The following ANK2 variants were observed in gnomAD, a reference collection of about 807,000 sequenced individuals.
The protein encoded by ANK2 is ankyrin-2.
ANK2 carries 83 observed loss-of-function variants against 360.5 expected under a neutral mutation model. That is an observed-to-expected ratio of 0.23 (90% CI 0.19 to 0.28). The LOEUF (loss-of-function observed/expected upper bound fraction) is 0.28, where lower values mean the gene tolerates loss of function less well. ANK2 is among the 10% of genes least tolerant of loss of function. The pLI, the probability that ANK2 is intolerant of heterozygous loss-of-function variation, is 1.00. For missense variants in ANK2, 4,201 were observed against 4,795.7 expected (o/e 0.88, Z 3.66); for synonymous variants, 1,740 against 1,759.5 (o/e 0.99, Z 0.28).
the ANK2 span, among the ~76,000 whole-genome samples, chr4:112,713,639 G>C: frequency 2.6e-5 from 4 of 152,210 alleles, no homozygotes; most frequent in East Asian, 7.7e-4. Context: ...TGTGCACCTA[G>C]GAATATAAAT....
chr4:113,041,714 T>G (rs1021944643), intron 2 of ANK2, among the ~76,000 whole-genome samples: 2 of 152,122 alleles, frequency 1.3e-5, no homozygotes, highest in African/African-American at 4.8e-5. Flanking sequence ...CAGAATACTA[T>G]AGACTGGGTG....
At chr4:113,278,170 A>G (rs1004870259) in intron 16 of ANK2, among the ~76,000 whole-genome samples, 14 of 152,198 alleles carry the variant, frequency 9.2e-5, no homozygotes, top group Non-Finnish European at 2.1e-4. Context: ...AAGTCTCTAT[A>G]TTAAGAAGAA....
intron 1 of ANK2, among the ~76,000 whole-genome samples, chr4:112,886,178 C>T (rs1364823859): frequency 6.6e-6 from 1 of 152,136 alleles, no homozygotes; most frequent in Non-Finnish European, 1.5e-5. Flanking sequence ...GTCAAGACTC[C>T]ATGAGGCCTA....
chr4:113,280,901 A>C (rs541325414), intron 17 of ANK2, among the ~76,000 whole-genome samples: 3 of 152,348 alleles, frequency 2.0e-5, no homozygotes, highest in African/African-American at 7.2e-5. Flanking sequence ...CATTGTAGCA[A>C]AAAGAAGTTG....
At chr4:113,132,077 G>T (rs1406051562) in intron 1 of ANK2, among the ~76,000 whole-genome samples, 3 of 152,084 alleles carry the variant, frequency 2.0e-5, no homozygotes, top group African/African-American at 7.2e-5. Context: ...AGAAAAAATA[G>T]AAAACTATTC....
intron 1 of ANK2, among the ~76,000 whole-genome samples, chr4:112,861,068 T>C (rs2067846687): frequency 1.3e-5 from 2 of 152,196 alleles, no homozygotes; most frequent in African/African-American, 4.8e-5. Context: ...AAGAATTGTC[T>C]CTACACTCTG....
At chr4:113,173,941 G>A (rs113477995) in intron 1 of ANK2, 1 of 190,514 alleles carries the variant, frequency 5.2e-6, no homozygotes, top group East Asian at 1.5e-4. Flanking sequence ...CCCATACTCA[G>A]TGTTCTCTCT....
At chr4:112,827,188 TCA>T in intron 1 of ANK2, 1 of 1,160,130 alleles carries the variant, frequency 8.6e-7, no homozygotes, top group Non-Finnish European at 1.3e-6. Flanking sequence ...TGATACCAGG[TCA>T]CACCTCAAAT....
intron 1 of ANK2, among the ~76,000 whole-genome samples, chr4:113,133,837 C>T (rs2096227079): frequency 6.6e-6 from 1 of 151,976 alleles, no homozygotes; most frequent in Non-Finnish European, 1.5e-5. Context: ...GAGGTAAGAC[C>T]CCAGATGACT....
intron 1 of ANK2, among the ~76,000 whole-genome samples, chr4:113,124,250 G>A (rs2095533747): frequency 2.0e-5 from 3 of 152,264 alleles, no homozygotes; most frequent in South Asian, 4.1e-4. Flanking sequence ...CAGCCTTGGA[G>A]GCCTCAAACC....
At chr4:112,999,837 T>C (rs115206660) in intron 2 of ANK2, among the ~76,000 whole-genome samples, 3,794 of 152,272 alleles carry the variant, frequency 0.025, 145 homozygotes, top group African/African-American at 0.084. Flanking sequence ...ATATATAGAA[T>C]GTCTTAGAGA....
the ANK2 span, among the ~76,000 whole-genome samples, chr4:112,741,515 G>A: frequency 2.6e-5 from 4 of 152,214 alleles, no homozygotes; most frequent in Non-Finnish European, 4.4e-5. Flanking sequence ...AGAGCAGTCC[G>A]TCTGTCATCA....
intron 1 of ANK2, among the ~76,000 whole-genome samples, chr4:112,897,390 T>C (rs2082077312): frequency 6.6e-6 from 1 of 152,166 alleles, no homozygotes; most frequent in Middle Eastern, 3.2e-3. Flanking sequence ...ATGGAAAACA[T>C]CATCTGTCTC....
At chr4:113,344,668 TATA>T (rs1200235778) in intron 34 of ANK2, among the ~76,000 whole-genome samples, 2 of 152,204 alleles carry the variant, frequency 1.3e-5, no homozygotes, top group East Asian at 3.9e-4. Context: ...CAAAATGCGG[TATA>T]CACATGCAAT....
In ANK2 at chr4:113,284,266, T is replaced by C. The variant is rs29366; in HGVS notation, c.2079+1394T>C. Among the ~76,000 whole-genome samples, 213 of 152,316 alleles carry C rather than the reference T, an allele frequency of 1.4e-3. 6 individuals carry two copies. In the South Asian group the frequency reaches 0.042, roughly 30 times the overall value. ...GTCATTCAGGTGGTCATTTACCCTG[T>C]TGGAGAAAATGTGATCATGAAGCAT... On this transcript the variant is annotated intron_variant, in intron 18 of 45. Transcript: ENST00000357077.
chr4:113,117,025 C>G, intron 1 of ANK2: 1 of 323,490 alleles, frequency 3.1e-6, no homozygotes, highest in Non-Finnish European at 6.1e-6. Flanking sequence ...GGGTGCACAC[C>G]TATGCCTGTG....
At chr4:112,974,983 G>GTTAACTCTAGT (rs2040878166) in intron 2 of ANK2, among the ~76,000 whole-genome samples, 2 of 152,238 alleles carry the variant, frequency 1.3e-5, no homozygotes, top group Non-Finnish European at 2.9e-5. Context: ...TTTCAAATGG[G>GTTAACTCTAGT]TTAACTCTAG....
chr4:113,069,583 AT>A (rs1410434062), intron 1 of ANK2, among the ~76,000 whole-genome samples: 1 of 152,196 alleles, frequency 6.6e-6, no homozygotes, highest in African/African-American at 2.4e-5. Flanking sequence ...TAAATGGAGT[AT>A]TTTGCTACCA....
At chr4:112,991,869 T>C (rs1441260760) in intron 2 of ANK2, among the ~76,000 whole-genome samples, 2 of 151,868 alleles carry the variant, frequency 1.3e-5, no homozygotes, top group Non-Finnish European at 2.9e-5. Context: ...TTCCACTATA[T>C]AAAAAGGATT....
Sources: allele counts gnomAD v4.1 joint callset (sites outside exome capture counted in the v4.1 genomes callset), GRCh38; gene constraint gnomAD v4.1.1; transcripts MANE v1.5; gene names NCBI Gene and HGNC (gene_info 2026-07-23, HGNC 2026-07-21).